The following ZNF487 variants were observed in gnomAD, a reference collection of about 807,000 sequenced individuals.
The protein encoded by ZNF487 is zinc finger protein 487.
A neutral mutation model predicts 3.0 loss-of-function variants in ZNF487; 4 were observed. The observed-to-expected ratio is 1.35, with a 90% CI of 0.66 to 3.08. The LOEUF (loss-of-function observed/expected upper bound fraction) is 3.08, where lower values mean the gene tolerates loss of function less well. ZNF487 is among the 30% of genes most tolerant of loss of function. ZNF487 has a pLI of 0.01. For synonymous variants in ZNF487, 55 were observed against 34.6 expected (o/e 1.59, Z -2.06); for missense variants, 146 against 98.7 (o/e 1.48, Z -2.03).
the ZNF487 span, among the ~76,000 whole-genome samples, chr10:43,515,786 C>CT: frequency 6.0e-5 from 9 of 151,132 alleles, no homozygotes; most frequent in East Asian, 1.9e-4. Flanking sequence ...TTCATTTTCT[C>CT]TTTTTTTTTG....
intron 1 of ZNF487, among the ~76,000 whole-genome samples, chr10:43,455,535 C>T (rs994809061): frequency 2.0e-5 from 3 of 152,240 alleles, no homozygotes; most frequent in Non-Finnish European, 4.4e-5. Context: ...ACGCCTGACG[C>T]GCCCCTTCCC....
At chr10:43,518,128 A>C in the ZNF487 span, among the ~76,000 whole-genome samples, 1 of 152,216 alleles carries the variant, frequency 6.6e-6, no homozygotes. Context: ...ACAGATACCC[A>C]GAATAAAAAT....
the ZNF487 span, among the ~76,000 whole-genome samples, chr10:43,520,040 T>C: frequency 6.6e-6 from 1 of 152,154 alleles, no homozygotes; most frequent in Non-Finnish European, 1.5e-5. Flanking sequence ...TTACATACAT[T>C]TTAGGTTACA....
the ZNF487 span, among the ~76,000 whole-genome samples, chr10:43,510,773 C>T: frequency 6.6e-6 from 1 of 152,212 alleles, no homozygotes; most frequent in Non-Finnish European, 1.5e-5. Context: ...GTCTCAAACT[C>T]CTGACCTCAT....
At chr10:43,501,761 A>G in the ZNF487 span, among the ~76,000 whole-genome samples, 3 of 142,158 alleles carry the variant, frequency 2.1e-5, no homozygotes, top group Non-Finnish European at 3.0e-5. Context: ...CAAAAACAAA[A>G]AAAACCCACA....
rs746061292 is a variant in ZNF487, at chr10:43,482,482, G to C, written c.*560G>C. 1 of 471,756 alleles carries C rather than the reference G, an allele frequency of 2.1e-6. No homozygotes were observed. Among genetic ancestry groups the C allele is most frequent in the East Asian group, 6.8e-5 (1 of 14,794 alleles). 29.2% of individuals were successfully genotyped at this position (471,756 alleles called of 1,614,324 possible). On this transcript the variant is annotated 3_prime_UTR_variant, in exon 4 of 4. Coordinates refer to ENST00000437590, the MANE Select transcript of ZNF487 (RefSeq NM_001355444.3). ...TTGCAGTACATCAAAGAACACACACGGGACAAAACCTATGAATGTAATGAA... is the reference window on the plus strand; with the variant it reads ...TTGCAGTACATCAAAGAACACACACCGGACAAAACCTATGAATGTAATGAA...
At position 43,482,245 on chromosome 10, in the gene ZNF487, TA is replaced by T. The variant is rs1353055393; in HGVS notation, c.*327del. ...AAACACATATAGGAAAGAATGCCTA[TA>T]AAATTAATCAGTATGCTAGTACATT... On this transcript the variant is annotated 3_prime_UTR_variant, in exon 4 of 4. Transcript: ENST00000437590. The T allele has an allele frequency of 4.1e-5, 17 of 413,922 alleles. No homozygotes were observed. The highest frequency in any genetic ancestry group is 6.8e-5 in the Non-Finnish European group (15 of 220,800). The allele number at this position is 413,922 out of a possible 1,614,324, so 25.6% of individuals were successfully genotyped here.
At chr10:43,487,927 T>TATAA (rs1841483932), downstream of ZNF487, among the ~76,000 whole-genome samples, 10 of 8,778 alleles carry the variant, frequency 1.1e-3, no homozygotes, top group African/African-American at 5.2e-3. Context: ...TCTACCAAAA[T>TATAA]ACAAAAAAAA....
chr10:43,465,714 A>G (rs1589040731), intron 1 of ZNF487, among the ~76,000 whole-genome samples: 1 of 142,442 alleles, frequency 7.0e-6, no homozygotes, highest in African/African-American at 2.7e-5. Flanking sequence ...CTGGGCAGCC[A>G]GGCAGAGGGG....
At chr10:43,501,854 C>G in the ZNF487 span, among the ~76,000 whole-genome samples, 1 of 151,186 alleles carries the variant, frequency 6.6e-6, no homozygotes, top group African/African-American at 2.4e-5. Context: ...GGTGCAGTAA[C>G]CATTTACAAT....
chr10:43,485,467 A>G (rs530869598), downstream of ZNF487, among the ~76,000 whole-genome samples: 2 of 152,336 alleles, frequency 1.3e-5, no homozygotes, highest in South Asian at 2.1e-4. Flanking sequence ...CTTCCTGGCA[A>G]TGAGTCTAAA....
At chr10:43,487,197 T>C (rs1176670961), downstream of ZNF487, among the ~76,000 whole-genome samples, 1 of 149,662 alleles carries the variant, frequency 6.7e-6, no homozygotes, top group Non-Finnish European at 1.5e-5. Flanking sequence ...TGGAGTGCAG[T>C]GGCACGATCT....
the ZNF487 span, among the ~76,000 whole-genome samples, chr10:43,510,557 GT>G: frequency 1.3e-5 from 2 of 151,378 alleles, no homozygotes; most frequent in African/African-American, 4.9e-5. Flanking sequence ...TTTTTTGTTT[GT>G]TTTTTTTGAG....
chr10:43,500,883 G>T, the ZNF487 span, among the ~76,000 whole-genome samples: 1 of 152,126 alleles, frequency 6.6e-6, no homozygotes, highest in East Asian at 1.9e-4. Context: ...TGGAGATAGG[G>T]AACACCTAAT....
the ZNF487 span, among the ~76,000 whole-genome samples, chr10:43,491,383 G>A: frequency 2.0e-5 from 3 of 151,596 alleles, no homozygotes; most frequent in East Asian, 3.9e-4. Flanking sequence ...TACCTGTGTG[G>A]GTTCCCTCAG....
At chr10:43,448,572 T>C (rs533751024) in intron 1 of ZNF487, among the ~76,000 whole-genome samples, 46 of 151,824 alleles carry the variant, frequency 3.0e-4, no homozygotes, top group Admixed American at 2.8e-3. Context: ...TCCCAGCACA[T>C]TGGGAGGCCG....
the ZNF487 span, among the ~76,000 whole-genome samples, chr10:43,512,617 G>T: frequency 6.6e-6 from 1 of 152,156 alleles, no homozygotes; most frequent in Non-Finnish European, 1.5e-5. Context: ...ACCTATGGGG[G>T]CCTGCCAAAG....
In ZNF487 at chr10:43,450,952, A is replaced by G. The variant is rs188493311; in HGVS notation, c.-94+13690A>G. Among the ~76,000 whole-genome samples the G allele has an allele frequency of 2.2e-4, 34 of 151,824 alleles. 1 individual carries two copies. The highest frequency in any genetic ancestry group is 7.7e-4 in the African/African-American group (32 of 41,392). ...GCACCATTATTATTATTTTTTTATT[A>G]TTATTATTTTTTGAGATGGAGTTTC... On this transcript the variant is annotated intron_variant, in intron 1 of 3. Transcript: ENST00000437590.
chr10:43,466,394 T>C (rs929453959), intron 1 of ZNF487, among the ~76,000 whole-genome samples: 2 of 151,160 alleles, frequency 1.3e-5, no homozygotes, highest in African/African-American at 2.4e-5. Context: ...TCTTTTCTTT[T>C]TTTCTTTCTT....
Sources: gnomAD v4.1 joint callset for allele counts (sites outside exome capture counted in the v4.1 genomes callset) on GRCh38, gnomAD v4.1.1 for gene constraint, MANE v1.5 for transcripts, NCBI Gene and HGNC (gene_info 2026-07-23, HGNC 2026-07-21) for gene names.